The following EFCAB8 variants were observed in gnomAD, a reference collection of about 807,000 sequenced individuals.
The protein encoded by EFCAB8 is EF-hand calcium binding domain 8, also known as EF-hand calcium-binding domain-containing protein 8.
EFCAB8 carries 100 observed loss-of-function variants against 116.3 expected under a neutral mutation model. That is an observed-to-expected ratio of 0.86 (90% CI 0.73 to 1.02). The LOEUF is 1.02. Ranked by LOEUF, EFCAB8 falls within the 50% of genes least tolerant of loss-of-function variation. The pLI is 0.00. For missense variants in EFCAB8, 1,320 were observed against 1,416.9 expected (o/e 0.93, Z 1.10); for synonymous variants, 558 against 567.9 (o/e 0.98, Z 0.25).
In EFCAB8 at chr20:32,938,753, A is replaced by G. The variant is rs188135554; in HGVS notation, c.2791-4883A>G. Among the ~76,000 whole-genome samples, 323 of 149,890 alleles carry G rather than the reference A, an allele frequency of 2.2e-3. 20 individuals are homozygous for G. Among genetic ancestry groups the G allele is most frequent in the African/African-American group, 7.0e-3 (282 of 40,470 alleles). ...ACTTGATTCCTGAAAATTGCATAAC[A>G]TTATGGGAAGAGATGAAAGAATACC... On this transcript the variant is annotated intron_variant, in intron 22 of 26. Transcript: ENST00000400522.
At chr20:32,934,460 C>G (rs1459032784) in intron 22 of EFCAB8, among the ~76,000 whole-genome samples, 2 of 152,114 alleles carry the variant, frequency 1.3e-5, no homozygotes, top group Non-Finnish European at 2.9e-5. Flanking sequence ...ATATTGATCT[C>G]TTTTGGATAT....
intron 21 of EFCAB8, among the ~76,000 whole-genome samples, 184 bp downstream of exon 21, chr20:32,930,800 A>C (rs947139728): frequency 6.6e-6 from 1 of 152,138 alleles, no homozygotes; most frequent in Non-Finnish European, 1.5e-5. Flanking sequence ...GTCTTGGTTC[A>C]AAAAGCCCCT....
intron 24 of EFCAB8, among the ~76,000 whole-genome samples, chr20:32,958,998 G>T (rs1281756693): frequency 6.6e-6 from 1 of 152,148 alleles, no homozygotes; most frequent in Non-Finnish European, 1.5e-5. Context: ...CTGGCTACTT[G>T]GTCCTCCCCC....
chr20:32,937,894 G>A (rs1364625312), intron 22 of EFCAB8, among the ~76,000 whole-genome samples: 8 of 150,080 alleles, frequency 5.3e-5, no homozygotes, highest in Non-Finnish European at 1.0e-4. Context: ...TGGGATTACA[G>A]GCGTGAGCCA....
At chr20:32,891,640 G>A (rs34524376) in intron 7 of EFCAB8, among the ~76,000 whole-genome samples, 5,095 of 152,272 alleles carry the variant, frequency 0.033, 126 homozygotes, top group Non-Finnish European at 0.051. Flanking sequence ...TGTGATCCCC[G>A]GCCTTTGTGG....
At chr20:32,927,684 C>T (rs1416403237) in intron 20 of EFCAB8, among the ~76,000 whole-genome samples, 1 of 152,160 alleles carries the variant, frequency 6.6e-6, no homozygotes, top group Admixed American at 6.6e-5. Context: ...TTTCTGGGTA[C>T]TGGGATTTTG....
chr20:32,945,738 C>G (rs1221981088), intron 23 of EFCAB8, among the ~76,000 whole-genome samples: 2 of 152,148 alleles, frequency 1.3e-5, no homozygotes, highest in African/African-American at 4.8e-5. Flanking sequence ...TGGCTTCATT[C>G]AGGGAAAATT....
At chr20:32,903,366 T>C (rs1486868740) in intron 11 of EFCAB8, 1 of 152,374 alleles carries the variant, frequency 6.6e-6, no homozygotes, top group Admixed American at 6.5e-5. Context: ...CAAAGCCATG[T>C]GCTTATGTCC....
chr20:32,896,682 G>A (rs766077486), intron 10 of EFCAB8, among the ~76,000 whole-genome samples, 155 bp downstream of exon 10: 4 of 152,296 alleles, frequency 2.6e-5, no homozygotes, highest in Admixed American at 1.3e-4. Flanking sequence ...GTTGGATCCC[G>A]TCAGCTCTAT....
chr20:32,931,631 C>T (rs1333013434), intron 22 of EFCAB8, among the ~76,000 whole-genome samples: 1 of 152,056 alleles, frequency 6.6e-6, no homozygotes, highest in African/African-American at 2.4e-5. Flanking sequence ...GTGGTGCACT[C>T]CTTGTAATCC....
In EFCAB8 at chr20:32,941,439, G is replaced by A. The variant is rs555629430; in HGVS notation, c.2791-2197G>A. On this transcript the variant is annotated intron_variant, in intron 22 of 26. Coordinates refer to ENST00000400522, the MANE Select transcript of EFCAB8 (RefSeq NM_001143967.2). ...ATCTTGTACATGAATGTTTATAGTA[G>A]CATTATTTATAATACAAAAGTGGAA... Among the ~76,000 whole-genome samples the A allele has an allele frequency of 8.8e-4, 132 of 149,526 alleles. 5 individuals are homozygous for A. The highest frequency in any genetic ancestry group is 3.2e-3 in the African/African-American group (129 of 40,282).
At chr20:32,929,865 C>T (rs1160996836) in intron 20 of EFCAB8, among the ~76,000 whole-genome samples, 1 of 152,126 alleles carries the variant, frequency 6.6e-6, no homozygotes, top group East Asian at 1.9e-4. Context: ...CCCACATGGG[C>T]CACAGGTGTG....
At position 32,941,212 on chromosome 20, in the gene EFCAB8, A is replaced by G. The variant is rs1169127871; in HGVS notation, c.2791-2424A>G. On this transcript the variant is annotated intron_variant, in intron 22 of 26. Coordinates refer to ENST00000400522, the MANE Select transcript of EFCAB8 (RefSeq NM_001143967.2). ...GGTTGCAGTGAGCAGAGATCATGCC[A>G]TTGCGTTCCAGTCTGGGCAACAAGA... Among the ~76,000 whole-genome samples, 6 of 148,970 alleles carry G rather than the reference A, an allele frequency of 4.0e-5. No individual in the cohort carries two copies. The East Asian group carries it at 1.2e-3, about 29-fold the overall frequency.
chr20:32,891,304 C>G (rs1985900520), intron 7 of EFCAB8, among the ~76,000 whole-genome samples: 1 of 152,110 alleles, frequency 6.6e-6, no homozygotes, highest in Non-Finnish European at 1.5e-5. Context: ...CGATGATGGG[C>G]TGGACCTGGT....
At chr20:32,936,043 A>G (rs1988109426) in intron 22 of EFCAB8, among the ~76,000 whole-genome samples, 1 of 149,790 alleles carries the variant, frequency 6.7e-6, no homozygotes, top group Middle Eastern at 3.2e-3. Flanking sequence ...TTTATTTTTT[A>G]TTTTTTTGAA....
chr20:32,919,925 C>T (rs555268114), intron 19 of EFCAB8, among the ~76,000 whole-genome samples, 153 bp from the exon 20 acceptor site: 40 of 152,280 alleles, frequency 2.6e-4, no homozygotes, highest in Non-Finnish European at 1.2e-4. Flanking sequence ...GTGGAGGTTT[C>T]CGGGATCCAC....
chr20:32,915,329 T>C (rs1987135811), intron 17 of EFCAB8, among the ~76,000 whole-genome samples: 2 of 152,250 alleles, frequency 1.3e-5, no homozygotes, highest in Non-Finnish European at 2.9e-5. Context: ...CAGTCAAATA[T>C]CCAATTTCTT....
intron 4 of EFCAB8, 41 bp from the exon 5 acceptor site, chr20:32,878,663 T>C (rs1985136689): frequency 1.3e-6 from 2 of 1,500,804 alleles, no homozygotes; most frequent in Admixed American, 3.9e-5. Context: ...TGAGACCATT[T>C]TGCCAATACC....
At position 32,882,194 on chromosome 20, in the gene EFCAB8, C is replaced by T. The variant is rs942988185; in HGVS notation, c.432-3311C>T. ...GCCTGGGCAACAAGAATGAAAACTCCGTCTCAAAAAGAAAAAAAAAAACAG... is the reference window on the plus strand; with the variant it reads ...GCCTGGGCAACAAGAATGAAAACTCTGTCTCAAAAAGAAAAAAAAAAACAG... On this transcript the variant is annotated intron_variant, in intron 5 of 26. Transcript: ENST00000400522. 3.3e-5 allele frequency among the ~76,000 whole-genome samples: 5 copies of T among 151,854 alleles called. No homozygotes were observed. The East Asian group carries it at 5.8e-4, about 18-fold the overall frequency.
Sources: allele counts gnomAD v4.1 joint callset (sites outside exome capture counted in the v4.1 genomes callset), GRCh38; gene constraint gnomAD v4.1.1; transcripts MANE v1.5; gene names NCBI Gene and HGNC (gene_info 2026-07-23, HGNC 2026-07-21).